DENND1A: variants seen among roughly 807,000 people sequenced by gnomAD.
The protein encoded by DENND1A is DENN domain-containing protein 1A.
In DENND1A, 51 loss-of-function variants were observed where a neutral mutation model predicts 113.7. The ratio of observed to expected loss-of-function variants is 0.45; its 90% CI spans 0.36 to 0.57. DENND1A has a LOEUF of 0.57. DENND1A is among the 20% of genes least tolerant of loss of function. DENND1A has a pLI of 0.00. For synonymous variants in DENND1A, 565 were observed against 570.8 expected, an observed-to-expected ratio of 0.99 and a Z score of 0.14; for missense variants, 1,258 against 1,395.9, an observed-to-expected ratio of 0.90 and a Z score of 1.57.
At position 123,604,560 on chromosome 9, in the gene DENND1A, T is replaced by A. The variant is rs181905466; in HGVS notation, c.765+4876A>T. On this transcript the variant is annotated intron_variant, in intron 11 of 23. Transcript: ENST00000394215. ...CCACCACATGCCAGACACTGGGATATGCTGTCCATATACAGGACTCAGCTC... is the reference window on the plus strand; with the variant it reads ...CCACCACATGCCAGACACTGGGATAAGCTGTCCATATACAGGACTCAGCTC... Among the ~76,000 whole-genome samples the A allele has an allele frequency of 1.7e-4, 26 of 152,334 alleles. No homozygotes were observed. In the East Asian group the frequency reaches 4.8e-3, roughly 28 times the overall value.
At chr9:123,382,648 G>A in intron 23 of DENND1A, 23 bp from the exon 24 acceptor site, 1 of 1,612,384 alleles carries the variant, frequency 6.2e-7, no homozygotes, top group Non-Finnish European at 8.5e-7. Flanking sequence ...AAGGAGGGCG[G>A]CAGTGACCAC....
At chr9:123,632,924 T>C (rs2061543447) in intron 9 of DENND1A, among the ~76,000 whole-genome samples, 1 of 151,960 alleles carries the variant, frequency 6.6e-6, no homozygotes, top group African/African-American at 2.4e-5. Flanking sequence ...ATTATTATTA[T>C]TGAGACAGGG....
chr9:123,867,100 A>G (rs1845893593), intron 2 of DENND1A, among the ~76,000 whole-genome samples: 1 of 152,180 alleles, frequency 6.6e-6, no homozygotes, highest in African/African-American at 2.4e-5. Flanking sequence ...GCAAGCTCAC[A>G]GTGATATCTT....
In DENND1A at chr9:123,387,810, G is replaced by A; in HGVS notation, c.1680C>T (p.Ser560=). Reference sequence around the variant, plus strand: ...CTTCCCGCTGGCATTCATCATCAGAGGAGTCTTCGGAGAGGAAGACCGCAT... The same window carrying A: ...CTTCCCGCTGGCATTCATCATCAGAAGAGTCTTCGGAGAGGAAGACCGCAT... ...RHYAVFLSED[S]SDDECQREEG... The change falls in exon 22 of 24, where the codon TCC becomes TCT. Residue 560 remains serine (S), a synonymous_variant. Transcript: ENST00000394215. The A allele has an allele frequency of 7.8e-7, 1 of 1,289,996 alleles. No homozygotes were observed. The highest frequency in any genetic ancestry group is 1.0e-6 in the Non-Finnish European group (1 of 988,892). The allele number at this position is 1,289,996 out of a possible 1,614,324, so 79.9% of individuals were successfully genotyped here. A position where few individuals can be genotyped will look rare whatever the true frequency, so the allele number is the denominator to read the frequency against.
intron 5 of DENND1A, among the ~76,000 whole-genome samples, chr9:123,729,488 A>AT (rs1311190844): frequency 6.6e-6 from 1 of 152,222 alleles, no homozygotes; most frequent in Non-Finnish European, 1.5e-5. Context: ...GAGCCAAATC[A>AT]TGAGTGAACT....
At chr9:123,654,539 A>T (rs1400967028) in intron 8 of DENND1A, among the ~76,000 whole-genome samples, 1 of 152,182 alleles carries the variant, frequency 6.6e-6, no homozygotes, top group Non-Finnish European at 1.5e-5. Flanking sequence ...GATGGGAAGG[A>T]AACATTTCTG....
intron 2 of DENND1A, among the ~76,000 whole-genome samples, chr9:123,867,353 C>T (rs1259617469): frequency 6.6e-6 from 1 of 152,008 alleles, no homozygotes; most frequent in Non-Finnish European, 1.5e-5. Flanking sequence ...CTAAAGTGAA[C>T]ACTCAAAGAA....
At chr9:123,617,784 C>T (rs1418608991) in intron 10 of DENND1A, among the ~76,000 whole-genome samples, 1 of 152,022 alleles carries the variant, frequency 6.6e-6, no homozygotes, top group African/African-American at 2.4e-5. Flanking sequence ...ATAGCTAAAG[C>T]CAGACACGGA....
chr9:123,650,256 T>A (rs1318344362), intron 9 of DENND1A, among the ~76,000 whole-genome samples: 1 of 152,104 alleles, frequency 6.6e-6, no homozygotes. Context: ...TAACACATAC[T>A]AGGCAATTAA....
intron 1 of DENND1A, among the ~76,000 whole-genome samples, chr9:123,882,034 G>A (rs1848383162): frequency 6.6e-6 from 1 of 152,004 alleles, no homozygotes; most frequent in Non-Finnish European, 1.5e-5. Flanking sequence ...CTACTCCTTT[G>A]CGAATTCCTT....
At chr9:123,671,412 A>G (rs1447997804) in intron 6 of DENND1A, 41 bp from the exon 7 acceptor site, 1 of 1,603,908 alleles carries the variant, frequency 6.2e-7, no homozygotes, top group Non-Finnish European at 8.5e-7. Context: ...AGCAAGGCTG[A>G]GCCCTTAGTA....
chr9:123,639,791 A>C (rs1267120694), intron 9 of DENND1A, among the ~76,000 whole-genome samples: 7 of 151,996 alleles, frequency 4.6e-5, no homozygotes, highest in South Asian at 2.1e-4. Context: ...AAAAAAAAAA[A>C]AAAAAACAAA....
intron 5 of DENND1A, among the ~76,000 whole-genome samples, chr9:123,742,605 T>C (rs1256979379): frequency 6.6e-6 from 1 of 152,146 alleles, no homozygotes; most frequent in African/African-American, 2.4e-5. Context: ...ATCAAAGGGC[T>C]TGAGTGGGGA....
chr9:123,478,322 C>T (rs150363339), intron 13 of DENND1A, among the ~76,000 whole-genome samples: 2 of 152,298 alleles, frequency 1.3e-5, no homozygotes, highest in East Asian at 1.9e-4. Flanking sequence ...GGCATAGGGC[C>T]GAAGTCTGTG....
chr9:123,401,575 A>G (rs1357058049), intron 21 of DENND1A: 2 of 1,392,534 alleles, frequency 1.4e-6, no homozygotes, highest in Non-Finnish European at 1.9e-6. Flanking sequence ...TAGTTTGCCA[A>G]CCACCAAACT....
intron 13 of DENND1A, among the ~76,000 whole-genome samples, chr9:123,552,029 G>GAGAGAGAC (rs1554875072): frequency 0.016 from 2,202 of 139,412 alleles, 43 homozygotes; most frequent in African/African-American, 0.037. Context: ...GAGAGAGAGA[G>GAGAGAGAC]AGAGAGAGAC....
intron 20 of DENND1A, chr9:123,411,451 C>G (rs899961647): frequency 6.6e-6 from 1 of 152,286 alleles, no homozygotes. Flanking sequence ...TTGTGAGGAA[C>G]AGGCGTCTGG....
At chr9:123,527,424 C>T (rs916243475) in intron 13 of DENND1A, among the ~76,000 whole-genome samples, 2 of 152,150 alleles carry the variant, frequency 1.3e-5, no homozygotes, top group African/African-American at 2.4e-5. Context: ...CTTATAAGGT[C>T]CTCTCTGATC....
At chr9:123,587,602 G>A (rs544175024) in intron 11 of DENND1A, among the ~76,000 whole-genome samples, 15 of 152,258 alleles carry the variant, frequency 9.9e-5, no homozygotes, top group African/African-American at 3.1e-4. Flanking sequence ...CTCCACAAGG[G>A]TCGTATTCCA....
Sources: gnomAD v4.1 joint callset for allele counts (sites outside exome capture counted in the v4.1 genomes callset) on GRCh38, gnomAD v4.1.1 for gene constraint, MANE v1.5 for transcripts, NCBI Gene and HGNC (gene_info 2026-07-23, HGNC 2026-07-21) for gene names.